Variants in NRG3 observed in about 807,000 individuals in gnomAD.
NRG3 encodes pro-neuregulin-3, membrane-bound isoform.
Under a neutral mutation model 66.9 loss-of-function variants are expected in NRG3, and 31 were observed. That is an observed-to-expected ratio of 0.46 (90% confidence interval 0.35 to 0.63). NRG3 has a LOEUF of 0.63. Ranked by LOEUF, NRG3 falls within the 20% of genes least tolerant of loss-of-function variation. NRG3 has a pLI of 0.00. For synonymous variants in NRG3, 393 were observed against 359.4 expected, an observed-to-expected ratio of 1.09 and a Z score of -1.06; for missense variants, 910 against 878.9, an observed-to-expected ratio of 1.04 and a Z score of -0.45.
At position 82,382,379 on chromosome 10, in the gene NRG3, T is replaced by C. The variant is rs2085670661; in HGVS notation, c.953+23511T>C. ...CATTCAAATCCCTTAATAATTATTTTATCAGGAATCTTCTCATTGCTTAAC... is the reference window on the plus strand; with the variant it reads ...CATTCAAATCCCTTAATAATTATTTCATCAGGAATCTTCTCATTGCTTAAC... On this transcript the variant is annotated intron_variant, in intron 2 of 8. Transcript: ENST00000372141. Among the ~76,000 whole-genome samples the C allele has an allele frequency of 2.0e-5, 3 of 152,014 alleles. No individual in the cohort carries two copies. The South Asian group carries it at 6.2e-4, about 31-fold the overall frequency.
chr10:82,713,044 G>A (rs1180942043), intron 2 of NRG3, among the ~76,000 whole-genome samples: 2 of 148,160 alleles, frequency 1.3e-5, no homozygotes, highest in East Asian at 2.0e-4. Context: ...CACTTGAATC[G>A]GGGAGGTGGA....
rs752687809 is a variant in NRG3 at position 82,774,814 on chromosome 10, C to CTTTTTTTTTTTTT, written c.1027+36170_1027+36171insTTTTTTTTTTTTT. On this transcript the variant is annotated intron_variant, in intron 3 of 8. Coordinates refer to ENST00000372141, the MANE Select transcript of NRG3 (RefSeq NM_001010848.4). ...ATTCCCCAGTTTTATTTTCCTTTTTCTTTTTTCTTTTTTTTTTTTTTTTTT... is the reference window on the plus strand; with the variant it reads ...ATTCCCCAGTTTTATTTTCCTTTTTCTTTTTTTTTTTTTTTTTTTCTTTTTTTTTTTTTTTTTT... Among the ~76,000 whole-genome samples, 3 of 112,008 alleles carry CTTTTTTTTTTTTT rather than the reference C, an allele frequency of 2.7e-5. 1 individual carries two copies. Among genetic ancestry groups the CTTTTTTTTTTTTT allele is most frequent in the African/African-American group, 1.2e-4 (3 of 25,034 alleles). 73.5% of individuals were successfully genotyped at this position (112,008 alleles called of 152,430 possible).
At chr10:82,491,979 C>A (rs903739466) in intron 2 of NRG3, among the ~76,000 whole-genome samples, 2 of 152,252 alleles carry the variant, frequency 1.3e-5, no homozygotes, top group African/African-American at 4.8e-5. Context: ...CTCTAATTGC[C>A]CTAAGATTAA....
intron 1 of NRG3, among the ~76,000 whole-genome samples, chr10:81,938,214 T>C (rs1386228577): frequency 6.6e-6 from 1 of 152,092 alleles, no homozygotes; most frequent in Non-Finnish European, 1.5e-5. Flanking sequence ...TATTCAGGAT[T>C]CTTTTAGATG....
rs183194823 is a variant in NRG3, at chr10:82,421,650, C to A, written c.953+62782C>A. Among the ~76,000 whole-genome samples the A allele has an allele frequency of 5.3e-5, 8 of 152,106 alleles. No individual in the cohort carries two copies. The East Asian group carries it at 1.5e-3, about 29-fold the overall frequency. On this transcript the variant is annotated intron_variant, in intron 2 of 8. Coordinates refer to ENST00000372141, the MANE Select transcript of NRG3 (RefSeq NM_001010848.4). ...TCTGCTTAGAGAAGTTTTATCCTTG[C>A]ATTTATTTTTTTCTTTTCGTGGCCA...
intron 3 of NRG3, among the ~76,000 whole-genome samples, chr10:82,751,142 A>C (rs2058846493): frequency 6.6e-6 from 1 of 152,090 alleles, no homozygotes; most frequent in South Asian, 2.1e-4. Flanking sequence ...TCCCCTAACT[A>C]TTTTTAGTCT....
chr10:82,027,436 T>G (rs1266310660), intron 1 of NRG3, among the ~76,000 whole-genome samples: 1 of 152,068 alleles, frequency 6.6e-6, no homozygotes, highest in East Asian at 1.9e-4. Context: ...AGGGAAATAA[T>G]TTTTAACTAT....
chr10:82,388,369 A>T (rs2086144828), intron 2 of NRG3, among the ~76,000 whole-genome samples: 1 of 152,220 alleles, frequency 6.6e-6, no homozygotes. Flanking sequence ...GATTTTATAT[A>T]TGAATGATAT....
chr10:82,438,698 T>A (rs2090277309), intron 2 of NRG3, among the ~76,000 whole-genome samples: 1 of 152,142 alleles, frequency 6.6e-6, no homozygotes, highest in African/African-American at 2.4e-5. Flanking sequence ...TTCCATGGGT[T>A]GCACAGTTCC....
chr10:82,212,652 G>A (rs781764230), intron 1 of NRG3, among the ~76,000 whole-genome samples: 11 of 152,204 alleles, frequency 7.2e-5, no homozygotes, highest in Non-Finnish European at 1.3e-4. Context: ...GGGCATGTAG[G>A]CATGTCACTA....
chr10:82,152,251 C>T (rs2070808421), intron 1 of NRG3, among the ~76,000 whole-genome samples: 1 of 152,136 alleles, frequency 6.6e-6, no homozygotes, highest in African/African-American at 2.4e-5. Flanking sequence ...TTTGGCGATC[C>T]TATTGTAGAA....
At chr10:82,198,437 G>T (rs2074566041) in intron 1 of NRG3, among the ~76,000 whole-genome samples, 3 of 152,166 alleles carry the variant, frequency 2.0e-5, no homozygotes, top group Non-Finnish European at 2.9e-5. Context: ...ATTCTTTACA[G>T]ATAGGTAACA....
At chr10:82,900,459 T>C (rs1288077312) in intron 4 of NRG3, among the ~76,000 whole-genome samples, 1 of 152,188 alleles carries the variant, frequency 6.6e-6, no homozygotes, top group Non-Finnish European at 1.5e-5. Context: ...TTAAAGATTA[T>C]TAATTTCAGA....
intron 3 of NRG3, among the ~76,000 whole-genome samples, chr10:82,862,325 G>T (rs988146281): frequency 6.6e-6 from 1 of 152,168 alleles, no homozygotes; most frequent in African/African-American, 2.4e-5. Context: ...TGCCTGCTGG[G>T]CACTGAGAGA....
chr10:82,048,138 A>G lies in NRG3; in HGVS notation c.823+171975A>G, dbSNP rs1040051758. 6.6e-5 allele frequency among the ~76,000 whole-genome samples: 10 copies of G among 152,042 alleles called. 1 individual carries two copies. The highest frequency in any genetic ancestry group is 1.3e-4 in the Admixed American group (2 of 15,262). Reference sequence around the variant, plus strand: ...CCTACAAAGAGACTTAGACTCCCACACAATAATAATGGGAGACTTTAACAC... The same window carrying G: ...CCTACAAAGAGACTTAGACTCCCACGCAATAATAATGGGAGACTTTAACAC... On this transcript the variant is annotated intron_variant, in intron 1 of 8. Transcript: ENST00000372141.
At position 81,953,301 on chromosome 10, in the gene NRG3, A is replaced by T. The variant is rs189915993; in HGVS notation, c.823+77138A>T. ...GGATGAGAAACCTATGGAGAGGGGT[A>T]TGCCCCTTGAGGTGATTTCTGTTTG... On this transcript the variant is annotated intron_variant, in intron 1 of 8. Transcript: ENST00000372141. 5.9e-5 allele frequency among the ~76,000 whole-genome samples: 9 copies of T among 152,284 alleles called. No homozygotes were observed. In the East Asian group the frequency reaches 1.7e-3, roughly 29 times the overall value.
At chr10:82,812,712 G>C (rs1283757210) in intron 3 of NRG3, among the ~76,000 whole-genome samples, 1 of 152,108 alleles carries the variant, frequency 6.6e-6, no homozygotes, top group East Asian at 1.9e-4. Context: ...ACAAAACTCA[G>C]GACCATAGAA....
At chr10:82,512,408 C>T (rs927609964) in intron 2 of NRG3, among the ~76,000 whole-genome samples, 1 of 152,014 alleles carries the variant, frequency 6.6e-6, no homozygotes, top group African/African-American at 2.4e-5. Flanking sequence ...ACCTCAGCCT[C>T]CCAAGTAGCT....
intron 7 of NRG3, among the ~76,000 whole-genome samples, chr10:82,975,663 G>T (rs569240910): frequency 1.3e-5 from 2 of 152,286 alleles, no homozygotes; most frequent in East Asian, 3.9e-4. Flanking sequence ...TGTAAAACAT[G>T]CAATAGACTT....
Sources: gnomAD v4.1 joint callset for allele counts (sites outside exome capture counted in the v4.1 genomes callset) on GRCh38, gnomAD v4.1.1 for gene constraint, MANE v1.5 for transcripts, NCBI Gene and HGNC (gene_info 2026-07-23, HGNC 2026-07-21) for gene names.